The following DNAH12 variants were observed in gnomAD, a reference collection of about 807,000 sequenced individuals.
The protein encoded by DNAH12 is axonemal beta dynein heavy chain 12.
In DNAH12, 285 loss-of-function variants were observed where a neutral mutation model predicts 371.5. That is an observed-to-expected ratio of 0.77 (90% CI 0.70 to 0.85). The LOEUF is 0.85. DNAH12 is among the 40% of genes least tolerant of loss of function. DNAH12 has a pLI of 0.00. For synonymous variants in DNAH12, 1,200 were observed against 1,213.0 expected (o/e 0.99, Z 0.22); for missense variants, 3,611 against 3,689.4 (o/e 0.98, Z 0.55).
chr3:57,303,400 T>C (rs2061403630), intron 69 of DNAH12, among the ~76,000 whole-genome samples: 1 of 149,976 alleles, frequency 6.7e-6, no homozygotes, highest in East Asian at 1.9e-4. Context: ...GAACTTTTTC[T>C]TTCTTTTCTT....
intron 17 of DNAH12, among the ~76,000 whole-genome samples, chr3:57,466,121 GA>G: frequency 6.6e-6 from 1 of 151,496 alleles, no homozygotes; most frequent in South Asian, 2.1e-4. Flanking sequence ...ATATAGGTGT[GA>G]AAAAAATGAA....
rs370865086 is a variant in DNAH12, at chr3:57,295,544, G to A, written c.11673C>T (p.Pro3891=). The A allele has an allele frequency of 1.9e-6, 3 of 1,545,600 alleles. No homozygotes were observed. The highest frequency in any genetic ancestry group is 2.4e-5 in the South Asian group (2 of 82,692). ...QYPKLLFDLM[P]IIWIKPTQKS... ...ATTTACTTGGTTTTATCCATATGATGGGCATCAGGTCAAACAGAAGTTTGG... is the reference window on the plus strand; with the variant it reads ...ATTTACTTGGTTTTATCCATATGATAGGCATCAGGTCAAACAGAAGTTTGG... Residue 3891 remains proline, a synonymous_variant, in exon 73 of 74, where the codon CCC becomes CCT. Coordinates refer to ENST00000495027, the MANE Select transcript of DNAH12 (RefSeq NM_001366028.2).
At chr3:57,537,688 G>GA (rs2069105183) in intron 2 of DNAH12, among the ~76,000 whole-genome samples, 1 of 140,570 alleles carries the variant, frequency 7.1e-6, no homozygotes, top group Non-Finnish European at 1.5e-5. Flanking sequence ...GTTTCTAAAA[G>GA]TTTTTTTTTT....
rs1172591337 is a variant in DNAH12 at position 57,401,393 on chromosome 3, C to CAAA, written c.6948+1913_6948+1915dup. 8.7e-4 allele frequency among the ~76,000 whole-genome samples: 104 copies of CAAA among 120,066 alleles called. No homozygotes were observed. The East Asian group carries it at 9.4e-3, about 11-fold the overall frequency. 78.8% of individuals were successfully genotyped at this position (120,066 alleles called of 152,430 possible). A position where few individuals can be genotyped will look rare whatever the true frequency, so the allele number is the denominator to read the frequency against. On this transcript the variant is annotated intron_variant, in intron 43 of 73. Transcript: ENST00000495027. ...GGTGAAACCCATCTCTACTAAAATA[C>CAAA]AAAAAAAAAAAAAAGAAAAAATTAT...
rs866895943 is a variant in DNAH12 at position 57,495,598 on chromosome 3, T to C, written c.1335+5723A>G. On this transcript the variant is annotated intron_variant, in intron 11 of 73. Transcript: ENST00000495027. ...AGACTCCATCTCAAAAAAATATACA[T>C]ATATTTACATATTTTGTATATATTA... 4.2e-4 allele frequency among the ~76,000 whole-genome samples: 61 copies of C among 146,968 alleles called. 1 individual carries two copies. Among genetic ancestry groups the C allele is most frequent in the African/African-American group, 1.5e-3 (59 of 39,808 alleles).
At chr3:57,369,887 A>G (rs972167478) in intron 55 of DNAH12, among the ~76,000 whole-genome samples, 49 of 152,324 alleles carry the variant, frequency 3.2e-4, no homozygotes, top group African/African-American at 1.2e-3. Flanking sequence ...TGGTTATCCA[A>G]TAATTAGAGA....
chr3:57,554,156 GCA>G, the DNAH12 span, among the ~76,000 whole-genome samples: 4,863 of 126,166 alleles, frequency 0.039, 276 homozygotes, highest in African/African-American at 0.081. Flanking sequence ...ACATGGCAGT[GCA>G]CACCTGTAAT....
At chr3:57,528,500 G>C (rs186913061) in intron 2 of DNAH12, among the ~76,000 whole-genome samples, 148,789 of 148,796 alleles carry the variant, frequency 1, 74,391 homozygotes, top group Middle Eastern at 1. Flanking sequence ...CCAAGGGGGG[G>C]GGATCCCCTG....
intron 58 of DNAH12, 41 bp from the exon 59 acceptor site, chr3:57,357,389 T>A (rs1289634250): frequency 6.6e-6 from 1 of 152,014 alleles, no homozygotes; most frequent in Non-Finnish European, 1.5e-5. Context: ...ATAGGAAGAG[T>A]ATTTTAGTTA....
chr3:57,519,983 G>A (rs927182058), intron 4 of DNAH12: 1 of 817,470 alleles, frequency 1.2e-6, no homozygotes, highest in Admixed American at 2.0e-5. Flanking sequence ...AGGGCGTAGG[G>A]TTCCTCGCCG....
At chr3:57,394,114 C>G (rs1002252042) in intron 44 of DNAH12, 57 bp downstream of exon 44, 1 of 152,094 alleles carries the variant, frequency 6.6e-6, no homozygotes, top group African/African-American at 2.4e-5. Flanking sequence ...AGCAGAGAAA[C>G]AGTTTCAAGA....
At chr3:57,310,633 C>A in intron 67 of DNAH12, 84 bp downstream of exon 67, 1 of 915,880 alleles carries the variant, frequency 1.1e-6, no homozygotes, top group Non-Finnish European at 1.7e-6. Flanking sequence ...TTGTCTAAAC[C>A]TATACATTAG....
At chr3:57,401,490 G>T (rs2063859505) in intron 43 of DNAH12, among the ~76,000 whole-genome samples, 1 of 150,066 alleles carries the variant, frequency 6.7e-6, no homozygotes, top group Non-Finnish European at 1.5e-5. Flanking sequence ...CTTGAACCTG[G>T]GAGGCGAAGA....
intron 58 of DNAH12, among the ~76,000 whole-genome samples, chr3:57,359,912 C>T (rs887343687): frequency 6.3e-4 from 96 of 152,220 alleles, no homozygotes; most frequent in Non-Finnish European, 1.1e-3. Context: ...GGGTCAGATA[C>T]AGAGTATGTT....
rs932169622 is a variant in DNAH12 at position 57,495,794 on chromosome 3, T to C, written c.1335+5527A>G. Among the ~76,000 whole-genome samples the C allele has an allele frequency of 2.1e-5, 3 of 144,182 alleles. No homozygotes were observed. In the Admixed American group the frequency reaches 2.1e-4, roughly 10 times the overall value. 94.6% of individuals were successfully genotyped at this position (144,182 alleles called of 152,430 possible). ...TTATATATTTTTATATATTTATATA[T>C]TTTTAATCCTTGATTTTATATATAT... On this transcript the variant is annotated intron_variant, in intron 11 of 73. Coordinates refer to ENST00000495027, the MANE Select transcript of DNAH12 (RefSeq NM_001366028.2).
At position 57,502,595 on chromosome 3, in the gene DNAH12, G is replaced by T. The variant is rs1042595889; in HGVS notation, c.1087-116C>A. The stretch of plus-strand genomic sequence containing the variant: ...GACGGAGTCTTGCTCTATCACCCAG[G>T]TTGGAGCGCATTGGTGCGATCTCGG... On this transcript the variant is annotated intron_variant, in intron 9 of 73. Transcript: ENST00000495027. 9.7e-6 allele frequency: 11 copies of T among 1,128,770 alleles called. No individual in the cohort carries two copies. The African/African-American group carries it at 1.6e-4, about 16-fold the overall frequency. 69.9% of individuals were successfully genotyped at this position (1,128,770 alleles called of 1,614,324 possible).
intron 40 of DNAH12, 64 bp from the exon 41 acceptor site, chr3:57,406,016 A>G: frequency 2.1e-6 from 3 of 1,432,324 alleles, no homozygotes; most frequent in Non-Finnish European, 2.8e-6. Context: ...TCATGTAACC[A>G]GTGGAATGTT....
At chr3:57,388,981 C>G (rs1001817367) in intron 45 of DNAH12, among the ~76,000 whole-genome samples, 4 of 151,950 alleles carry the variant, frequency 2.6e-5, no homozygotes, top group Non-Finnish European at 5.9e-5. Context: ...TGCAGCACAC[C>G]AACATGGCAC....
intron 55 of DNAH12, among the ~76,000 whole-genome samples, chr3:57,372,613 T>TAA (rs1254881434): frequency 2.0e-5 from 3 of 152,026 alleles, no homozygotes; most frequent in African/African-American, 4.8e-5. Context: ...GCTATATATA[T>TAA]AATAGCATAA....
Sources: gnomAD v4.1 joint callset for allele counts (sites outside exome capture counted in the v4.1 genomes callset) on GRCh38, gnomAD v4.1.1 for gene constraint, MANE v1.5 for transcripts, NCBI Gene and HGNC (gene_info 2026-07-23, HGNC 2026-07-21) for gene names.